Variants in TRIM44 observed in about 807,000 individuals in gnomAD.
TRIM44 encodes the protein tripartite motif containing 44.
TRIM44 carries 13 observed loss-of-function variants against 37.4 expected under a neutral mutation model. The ratio of observed to expected loss-of-function variants is 0.35; its 90% confidence interval spans 0.23 to 0.55. The LOEUF (loss-of-function observed/expected upper bound fraction) is 0.55, where lower values mean the gene tolerates loss of function less well. Among genes scored for constraint, TRIM44 ranks in the 20% least tolerant of loss-of-function variants. The probability of loss-of-function intolerance (pLI) is 0.89; values close to 1 mark genes in which losing one functional copy is unlikely to be tolerated. For synonymous variants in TRIM44, 175 were observed against 157.2 expected (o/e 1.11, Z -0.85); for missense variants, 426 against 437.2 (o/e 0.97, Z 0.23).
intron 4 of TRIM44, among the ~76,000 whole-genome samples, chr11:35,776,286 C>T (rs1852960423): frequency 6.6e-6 from 1 of 152,146 alleles, no homozygotes; most frequent in Non-Finnish European, 1.5e-5. Context: ...GTTTGTATTT[C>T]TGTGGGATCA....
chr11:35,737,535 A>G (rs1223331920), intron 4 of TRIM44, among the ~76,000 whole-genome samples: 1 of 152,088 alleles, frequency 6.6e-6, no homozygotes, highest in African/African-American at 2.4e-5. Context: ...GTAAATAAAA[A>G]ATAAATTTTA....
rs1333438969 is a variant in TRIM44 at position 35,810,498 on chromosome 11, C to T, written c.*4113C>T. ...TATCCAGCAGTGCTTATGAAGCCCCCTACCCTGTCCCATTCCAGAAACCAT... is the reference window on the plus strand; with the variant it reads ...TATCCAGCAGTGCTTATGAAGCCCCTTACCCTGTCCCATTCCAGAAACCAT... On this transcript the variant is annotated 3_prime_UTR_variant, in exon 5 of 5. Transcript: ENST00000299413. The T allele has an allele frequency of 6.6e-6, 1 of 152,182 alleles. No homozygotes were observed. Among genetic ancestry groups the T allele is most frequent in the African/African-American group, 2.4e-5 (1 of 41,426 alleles). 9.4% of individuals were successfully genotyped at this position (152,182 alleles called of 1,614,324 possible).
intron 4 of TRIM44, among the ~76,000 whole-genome samples, chr11:35,802,237 G>C (rs1853380588): frequency 6.6e-6 from 1 of 152,134 alleles, no homozygotes; most frequent in South Asian, 2.1e-4. Flanking sequence ...TGAAGTGTTA[G>C]ATCGATGGAT....
chr11:35,749,646 G>A (rs376665542), intron 4 of TRIM44, among the ~76,000 whole-genome samples: 1 of 152,212 alleles, frequency 6.6e-6, no homozygotes, highest in South Asian at 2.1e-4. Flanking sequence ...TCGTGCCACT[G>A]CACTCCAGCC....
Position 35,736,799 on chromosome 11 carries a change from A to G in TRIM44, c.1007+1354A>G, listed in dbSNP as rs117152113. On this transcript the variant is annotated intron_variant, in intron 4 of 4. Coordinates refer to ENST00000299413, the MANE Select transcript of TRIM44 (RefSeq NM_017583.6). The stretch of plus-strand genomic sequence containing the variant: ...CCACTTCAGACTCCATCTTTCAACC[A>G]TTCTCAGGAACAGGCTCCTTCTTTG... 1.5e-3 allele frequency among the ~76,000 whole-genome samples: 232 copies of G among 152,244 alleles called. 3 individuals carry two copies. In the East Asian group the frequency reaches 0.038, roughly 25 times the overall value.
intron 2 of TRIM44, among the ~76,000 whole-genome samples, chr11:35,715,929 A>T (rs1852035133): frequency 6.6e-6 from 1 of 152,256 alleles, no homozygotes; most frequent in South Asian, 2.1e-4. Flanking sequence ...ACCAAGAGGG[A>T]TGGTGGTAAA....
chr11:35,764,125 T>C (rs1206326694), intron 4 of TRIM44, among the ~76,000 whole-genome samples: 1 of 152,204 alleles, frequency 6.6e-6, no homozygotes, highest in Non-Finnish European at 1.5e-5. Context: ...TTGCTCCTTC[T>C]CATGGGAAGA....
chr11:35,728,426 G>T (rs1158875113), intron 3 of TRIM44, among the ~76,000 whole-genome samples: 2 of 152,138 alleles, frequency 1.3e-5, no homozygotes, highest in Non-Finnish European at 2.9e-5. Context: ...CACCTCAGCT[G>T]TACTATGCTT....
intron 4 of TRIM44, among the ~76,000 whole-genome samples, chr11:35,775,910 A>G (rs1428832115): frequency 2.0e-5 from 3 of 152,234 alleles, no homozygotes; most frequent in South Asian, 4.2e-4. Flanking sequence ...ATGTTCATCA[A>G]GGATATTGGT....
At position 35,706,093 on chromosome 11, in the gene TRIM44, C is replaced by T. The variant is rs1194749214; in HGVS notation, c.748-19831C>T. On this transcript the variant is annotated intron_variant, in intron 2 of 4. Transcript: ENST00000299413. ...GATAAAGGGGATATCACCACCGATC[C>T]CACAGAAATGCAAACTATCATCAGA... Among the ~76,000 whole-genome samples, 6 of 148,720 alleles carry T rather than the reference C, an allele frequency of 4.0e-5. 2 individuals carry two copies. Among genetic ancestry groups the T allele is most frequent in the South Asian group, 4.3e-4 (2 of 4,638 alleles).
Position 35,722,178 on chromosome 11 carries a change from A to C in TRIM44, c.748-3746A>C, listed in dbSNP as rs1020284574. Among the ~76,000 whole-genome samples the C allele has an allele frequency of 5.3e-5, 8 of 152,160 alleles. 1 individual carries two copies. Among genetic ancestry groups the C allele is most frequent in the Admixed American group, 3.9e-4 (6 of 15,270 alleles). On this transcript the variant is annotated intron_variant, in intron 2 of 4. Transcript: ENST00000299413. ...TCTGTTTTAGAACAATGGCCTTTCA[A>C]ATGAGGAAGAGGGAAGTGAAAATGG...
At chr11:35,753,211 G>A (rs569594375) in intron 4 of TRIM44, among the ~76,000 whole-genome samples, 76 of 152,144 alleles carry the variant, frequency 5.0e-4, no homozygotes, top group Non-Finnish European at 5.9e-4. Context: ...ATTGGGGGGG[G>A]AGTTAAATGA....
chr11:35,681,990 G>A (rs1451280467), intron 1 of TRIM44, among the ~76,000 whole-genome samples: 2 of 119,226 alleles, frequency 1.7e-5, no homozygotes, highest in African/African-American at 3.3e-5. Context: ...ATGCAGTCTC[G>A]CTCTGTCACC....
At position 35,813,793 on chromosome 11, in the gene TRIM44, G is replaced by A. The variant is rs1853552736; in HGVS notation, c.*7408G>A. ...AATGGTTAAAAAAAAAAACTTTTAG[G>A]AATTAAAAGGAATAAACCTTTGACC... On this transcript the variant is annotated 3_prime_UTR_variant, in exon 5 of 5. Transcript: ENST00000299413. 6.6e-6 allele frequency: 1 copy of A among 151,892 alleles called. No individual in the cohort carries two copies. The highest frequency in any genetic ancestry group is 2.4e-5 in the African/African-American group (1 of 41,356). 9.4% of individuals were successfully genotyped at this position (151,892 alleles called of 1,614,324 possible). A position where few individuals can be genotyped will look rare whatever the true frequency, so the allele number is the denominator to read the frequency against.
intron 4 of TRIM44, among the ~76,000 whole-genome samples, chr11:35,747,704 C>A (rs73438968): frequency 0.01 from 1,586 of 152,248 alleles, 26 homozygotes; most frequent in African/African-American, 0.037. Flanking sequence ...ACAGGAACTT[C>A]TCTCCCCAGA....
At chr11:35,738,355 A>AT (rs1852351684) in intron 4 of TRIM44, among the ~76,000 whole-genome samples, 1 of 149,268 alleles carries the variant, frequency 6.7e-6, no homozygotes, top group Non-Finnish European at 1.5e-5. Context: ...ATGGAAAGGC[A>AT]TAGAGTTTCT....
chr11:35,793,079 C>A (rs1166694039), intron 4 of TRIM44, among the ~76,000 whole-genome samples: 3 of 149,152 alleles, frequency 2.0e-5, no homozygotes, highest in Non-Finnish European at 4.4e-5. Flanking sequence ...CTGGAGCCCA[C>A]AAGAACCAAG....
intron 2 of TRIM44, among the ~76,000 whole-genome samples, chr11:35,690,822 T>C (rs1289752126): frequency 6.6e-6 from 1 of 152,222 alleles, no homozygotes; most frequent in Admixed American, 6.5e-5. Context: ...GTTTTATGGA[T>C]GAGCATTCTG....
At chr11:35,804,605 G>A (rs1349168548) in intron 4 of TRIM44, among the ~76,000 whole-genome samples, 1 of 152,178 alleles carries the variant, frequency 6.6e-6, no homozygotes, top group African/African-American at 2.4e-5. Context: ...AATACCAAAG[G>A]GGGAGAATAT....
Sources: gnomAD v4.1 joint callset for allele counts (sites outside exome capture counted in the v4.1 genomes callset) on GRCh38, gnomAD v4.1.1 for gene constraint, MANE v1.5 for transcripts, NCBI Gene and HGNC (gene_info 2026-07-23, HGNC 2026-07-21) for gene names.